STXBP4: variants seen among roughly 807,000 people sequenced by gnomAD.
The protein encoded by STXBP4 is syntaxin-binding protein 4.
In STXBP4, 55 loss-of-function variants were observed where a neutral mutation model predicts 76.1. The ratio of observed to expected loss-of-function variants is 0.72; its 90% CI spans 0.58 to 0.91. The LOEUF is 0.91. Among genes scored for constraint, STXBP4 ranks in the 40% least tolerant of loss-of-function variants. The probability of loss-of-function intolerance (pLI) is 0.00; values close to 1 mark genes in which losing one functional copy is unlikely to be tolerated. For synonymous variants in STXBP4, 201 were observed against 220.2 expected, an observed-to-expected ratio of 0.91 and a Z score of 0.77; for missense variants, 618 against 636.9, an observed-to-expected ratio of 0.97 and a Z score of 0.32.
intron 15 of STXBP4, among the ~76,000 whole-genome samples, chr17:55,079,198 T>C (rs186663197): frequency 6.6e-6 from 1 of 152,298 alleles, no homozygotes; most frequent in Non-Finnish European, 1.5e-5. Context: ...AAAAGAAATA[T>C]ATTTGGAGAA....
chr17:55,062,457 A>G (rs902801622), intron 12 of STXBP4, among the ~76,000 whole-genome samples: 1 of 152,132 alleles, frequency 6.6e-6, no homozygotes. Flanking sequence ...TACCTGGTGT[A>G]TATTTGCCGC....
intron 17 of STXBP4, among the ~76,000 whole-genome samples, chr17:55,149,688 C>T (rs1253690119): frequency 6.6e-6 from 1 of 152,212 alleles, no homozygotes; most frequent in African/African-American, 2.4e-5. Context: ...ACCTGTGCCA[C>T]TCTCTGGCCA....
intron 16 of STXBP4, among the ~76,000 whole-genome samples, chr17:55,137,581 C>G (rs940376129): frequency 1.3e-5 from 2 of 152,054 alleles, no homozygotes; most frequent in African/African-American, 4.8e-5. Flanking sequence ...AAGATCTGGG[C>G]TCTTTCCCCT....
chr17:55,172,870 G>A lies in STXBP4; in HGVS notation c.*12959G>A, dbSNP rs1029971955. On this transcript the variant is annotated 3_prime_UTR_variant, in exon 18 of 18. Coordinates refer to ENST00000376352, the MANE Select transcript of STXBP4 (RefSeq NM_178509.6). ...GTCACCCTGCACCTACACAAGGACT[G>A]AGCTGAGTTCTAGTTACCTGCTGTG... is the stretch of plus-strand genomic sequence containing the variant. 31 of 152,320 alleles carry A rather than the reference G, an allele frequency of 2.0e-4. No individual in the cohort carries two copies. Among genetic ancestry groups the A allele is most frequent in the Middle Eastern group, 3.4e-3 (1 of 294 alleles). 9.4% of individuals were successfully genotyped at this position (152,320 alleles called of 1,614,324 possible).
At chr17:55,100,227 A>G (rs1434874970) in intron 16 of STXBP4, among the ~76,000 whole-genome samples, 3 of 152,174 alleles carry the variant, frequency 2.0e-5, no homozygotes, top group African/African-American at 7.2e-5. Flanking sequence ...AATTATGTAC[A>G]TATCTGGATA....
intron 16 of STXBP4, among the ~76,000 whole-genome samples, chr17:55,114,781 T>C (rs568880097): frequency 1.2e-3 from 178 of 151,968 alleles, no homozygotes; most frequent in African/African-American, 3.8e-3. Context: ...AGCTTCATGA[T>C]TGAAAACAAA....
At chr17:55,030,828 G>C (rs1207817690) in intron 8 of STXBP4, 1 of 184,152 alleles carries the variant, frequency 5.4e-6, no homozygotes, top group African/African-American at 2.4e-5. Flanking sequence ...ATGTTTTAGA[G>C]TGTCACTTGT....
At position 55,000,795 on chromosome 17, in the gene STXBP4, T is replaced by C; in HGVS notation, c.499-13T>C. 6.3e-7 allele frequency: 1 copy of C among 1,576,130 alleles called. No individual in the cohort carries two copies. The highest frequency in any genetic ancestry group is 8.7e-7 in the Non-Finnish European group (1 of 1,146,350). On this transcript the variant is annotated splice_polypyrimidine_tract_variant and intron_variant, in intron 6 of 17. Transcript: ENST00000376352. Reference sequence around the variant, plus strand: ...AGTAAATGACATTGCATGTTCCTCATTTTCTTTCACAGATAAAAACTGGAT... The same window carrying C: ...AGTAAATGACATTGCATGTTCCTCACTTTCTTTCACAGATAAAAACTGGAT...
chr17:55,185,450 C>T, the STXBP4 span, among the ~76,000 whole-genome samples: 4 of 150,522 alleles, frequency 2.7e-5, no homozygotes, highest in South Asian at 2.1e-4. Flanking sequence ...GGTGTGTGTA[C>T]GTGTGTGTGT....
the STXBP4 span, among the ~76,000 whole-genome samples, chr17:55,211,006 C>G: frequency 7.9e-5 from 12 of 152,072 alleles, no homozygotes; most frequent in East Asian, 1.7e-3. Flanking sequence ...AACTTGAGAC[C>G]AGCTATGTCT....
chr17:54,975,775 C>G (rs2077464972), intron 1 of STXBP4, among the ~76,000 whole-genome samples: 1 of 152,162 alleles, frequency 6.6e-6, no homozygotes, highest in Admixed American at 6.5e-5. Flanking sequence ...TCCCTGTTCA[C>G]CACACTCCAG....
At chr17:55,104,090 C>A (rs186928727) in intron 16 of STXBP4, among the ~76,000 whole-genome samples, 1 of 152,100 alleles carries the variant, frequency 6.6e-6, no homozygotes, top group Non-Finnish European at 1.5e-5. Flanking sequence ...AATTTGACTT[C>A]CTCTATTCCT....
chr17:55,084,537 T>C (rs1039753427), intron 16 of STXBP4, among the ~76,000 whole-genome samples: 33 of 151,250 alleles, frequency 2.2e-4, no homozygotes, highest in Non-Finnish European at 2.7e-4. Context: ...TTTGGTGTTT[T>C]AGACATGAAG....
chr17:55,186,580 A>G, the STXBP4 span, among the ~76,000 whole-genome samples: 2 of 152,232 alleles, frequency 1.3e-5, no homozygotes, highest in Middle Eastern at 6.3e-3. Context: ...TCAAAGGAAC[A>G]TGGAAGTTAC....
chr17:54,999,780 A>T lies in STXBP4; in HGVS notation c.436A>T (p.Ile146Leu), dbSNP rs201714381. Residue 146 changes from isoleucine to leucine, a missense_variant, in exon 6 of 18, where the codon ATA becomes TTA. Physicochemically the swap from Ile to Leu is conservative, Grantham distance 5 (BLOSUM62 2). Transcript: ENST00000376352. ...AAGTCTTTTTTCTTCTCCTCCTGAAATACTAATCCCAAAGACCTCATCCAC... is the reference window on the plus strand; with the variant it reads ...AAGTCTTTTTTCTTCTCCTCCTGAATTACTAATCCCAAAGACCTCATCCAC... Reference protein sequence around the residue: ...TLSLFSSPPEILIPKTSSTPK... With the variant: ...TLSLFSSPPELLIPKTSSTPK... The T allele has an allele frequency of 6.2e-7, 1 of 1,613,674 alleles. No individual in the cohort carries two copies.
rs908509009 is a variant in STXBP4 at position 55,169,319 on chromosome 17, G to C, written c.*9408G>C. The C allele has an allele frequency of 1.4e-5, 2 of 142,172 alleles. No individual in the cohort carries two copies. 8.8% of individuals were successfully genotyped at this position (142,172 alleles called of 1,614,324 possible). A position where few individuals can be genotyped will look rare whatever the true frequency, so the allele number is the denominator to read the frequency against. ...TACAGTAGGTTCAAGTCAGAGGCCA[G>C]AGAACCCAGAGTATTTATACCTCTG... is the stretch of plus-strand genomic sequence containing the variant. On this transcript the variant is annotated 3_prime_UTR_variant, in exon 18 of 18. Transcript: ENST00000376352.
At chr17:55,095,510 T>C (rs2787498) in intron 16 of STXBP4, among the ~76,000 whole-genome samples, 45,552 of 152,014 alleles carry the variant, frequency 0.3, 7,119 homozygotes, top group African/African-American at 0.35. Context: ...AAGGCAGCAG[T>C]ACTAAAATGT....
In STXBP4 at chr17:54,973,210, G is replaced by A. The variant is rs189291400; in HGVS notation, c.-157+4395G>A. On this transcript the variant is annotated intron_variant, in intron 1 of 17. Coordinates refer to ENST00000376352, the MANE Select transcript of STXBP4 (RefSeq NM_178509.6). ...AACTTGTCCAAGCCTAATCGGTTGG[G>A]TAGTGGCAGAGCTGGAGTTTAAGCC... is the stretch of plus-strand genomic sequence containing the variant. 5.3e-5 allele frequency among the ~76,000 whole-genome samples: 8 copies of A among 152,302 alleles called. No homozygotes were observed. In the East Asian group the frequency reaches 5.8e-4, roughly 11 times the overall value.
In STXBP4 at chr17:54,997,614, A is replaced by AT. The variant is rs550464094; in HGVS notation, c.181-1723dup. On this transcript the variant is annotated intron_variant, in intron 4 of 17. Transcript: ENST00000376352. ...TTTTATATATTTTATATATATATAT[A>AT]TTTTTTTTGAGACAGATTTTTGCTT... is the stretch of plus-strand genomic sequence containing the variant. 3.2e-3 allele frequency among the ~76,000 whole-genome samples: 459 copies of AT among 145,634 alleles called. 2 individuals are homozygous for AT. The highest frequency in any genetic ancestry group is 0.011 in the African/African-American group (443 of 39,916).
Sources: allele counts gnomAD v4.1 joint callset (sites outside exome capture counted in the v4.1 genomes callset), GRCh38; gene constraint gnomAD v4.1.1; transcripts MANE v1.5; gene names NCBI Gene and HGNC (gene_info 2026-07-23, HGNC 2026-07-21).